Variants in TICAM1 observed in about 807,000 individuals in gnomAD.
TICAM1 encodes TIR domain-containing adapter molecule 1.
For synonymous variants in TICAM1, 439 were observed against 415.4 expected (o/e 1.06, Z -0.69); for missense variants, 895 against 938.2 (o/e 0.95, Z 0.60).
At chr19:4,829,660 T>C (rs2093611082) in intron 1 of TICAM1, among the ~76,000 whole-genome samples, 1 of 152,124 alleles carries the variant, frequency 6.6e-6, no homozygotes, top group Admixed American at 6.6e-5. Flanking sequence ...GAAGCTTTCA[T>C]GCGAAAATAT....
At chr19:4,827,244 G>A (rs992003443) in intron 1 of TICAM1, among the ~76,000 whole-genome samples, 6 of 151,366 alleles carry the variant, frequency 4.0e-5, no homozygotes, top group South Asian at 2.1e-4. Flanking sequence ...CCAGCTATTC[G>A]GGAGGCTGAG....
In TICAM1 at chr19:4,816,405, G is replaced by C. The variant is rs148396522; in HGVS notation, c.1973C>G (p.Pro658Arg). 6.4e-7 allele frequency: 1 copy of C among 1,570,468 alleles called. No individual in the cohort carries two copies. Among genetic ancestry groups the C allele is most frequent in the Admixed American group, 1.9e-5 (1 of 52,444 alleles). The change falls in exon 2 of 2, where the codon CCG (proline) becomes CGG (arginine). Residue 658 changes from proline to arginine, a missense_variant. Pro to Arg is a moderately radical substitution (Grantham distance 103). Transcript: ENST00000248244. This position sits in a 1 kb window ranked among gnomAD's most constrained non-coding sequence, Gnocchi z 4.3. ...PAAFPQSLPF[P>R]QSPAFPTASP... ...GGCCGTAGGGAAGGCTGGGGACTGC[G>C]GGAAGGGCAGTGACTGTGGAAAGGC... is the stretch of plus-strand genomic sequence containing the variant.
In TICAM1 at chr19:4,816,069, C is replaced by A; in HGVS notation, c.*170G>T. On this transcript the variant is annotated 3_prime_UTR_variant, in exon 2 of 2. Transcript: ENST00000248244. The surrounding 1 kb of genome is among the most constrained non-coding windows in gnomAD (Gnocchi z 4.3). Reference sequence around the variant, plus strand: ...ACCACCCTGAAAGCCAGGGCATCATCGCGCCCGTTTTGTCCTAAATGAAGG... The same window carrying A: ...ACCACCCTGAAAGCCAGGGCATCATAGCGCCCGTTTTGTCCTAAATGAAGG... 9.8e-7 allele frequency: 1 copy of A among 1,025,136 alleles called. No individual in the cohort carries two copies. 63.5% of individuals were successfully genotyped at this position (1,025,136 alleles called of 1,614,324 possible).
intron 1 of TICAM1, among the ~76,000 whole-genome samples, chr19:4,820,584 G>A (rs904615229): frequency 2.0e-5 from 3 of 151,700 alleles, no homozygotes; most frequent in Admixed American, 6.6e-5. Flanking sequence ...TAATTTTTTG[G>A]CCGGGCGCGG....
At position 4,816,797 on chromosome 19, in the gene TICAM1, G is replaced by A. The variant is rs772749430; in HGVS notation, c.1581C>T (p.Thr527=). ...GGGCCTGAAGCCTGTGGGGCTTGAA[G>A]GTGTTGGCCACCTTCCTGGCGAAGA... is the stretch of plus-strand genomic sequence containing the variant. ...SQIFARKVAN[T]FKPHRLQARK... is the part of the protein sequence containing the mutation. The change falls in exon 2 of 2, where the codon ACC becomes ACT. Residue 527 remains threonine (T), a synonymous_variant. Coordinates refer to ENST00000248244, the MANE Select transcript of TICAM1 (RefSeq NM_182919.4). This position sits in a 1 kb window ranked among gnomAD's most constrained non-coding sequence, Gnocchi z 4.3. 6.2e-7 allele frequency: 1 copy of A among 1,613,312 alleles called. No homozygotes were observed. The highest frequency in any genetic ancestry group is 8.5e-7 in the Non-Finnish European group (1 of 1,180,034).
At chr19:4,831,453 A>C (rs558537568) in intron 1 of TICAM1, among the ~76,000 whole-genome samples, 161 bp downstream of exon 1, 1 of 151,480 alleles carries the variant, frequency 6.6e-6, no homozygotes, top group East Asian at 1.9e-4. Flanking sequence ...GGGAACGTCA[A>C]CCTCCCAACG....
At chr19:4,826,304 GAT>G (rs72194788) in intron 1 of TICAM1, among the ~76,000 whole-genome samples, 51,067 of 144,588 alleles carry the variant, frequency 0.35, 9,190 homozygotes, top group East Asian at 0.44. Context: ...ATTATTAGGA[GAT>G]ATATATATAT....
At position 4,817,499 on chromosome 19, in the gene TICAM1, AGCTGCG is replaced by A. The variant is rs2093588795; in HGVS notation, c.873_878del (p.Ala292_Ala293del). 1 of 1,613,842 alleles carries A rather than the reference AGCTGCG, an allele frequency of 6.2e-7. No homozygotes were observed. Reference sequence around the variant, plus strand: ...CTGGGTAGTTGGTGCTGGTTTCTGGAGCTGCGGGGGTATCAGGGAGGCCAGTGGAGG... The same window carrying A: ...CTGGGTAGTTGGTGCTGGTTTCTGGAGGGGTATCAGGGAGGCCAGTGGAGG... On this transcript the variant is annotated inframe_deletion, in exon 2 of 2. Coordinates refer to ENST00000248244, the MANE Select transcript of TICAM1 (RefSeq NM_182919.4). The surrounding 1 kb of genome is among the most constrained non-coding windows in gnomAD (Gnocchi z 4.7).
intron 1 of TICAM1, among the ~76,000 whole-genome samples, chr19:4,827,393 AAAAAAAAAAAG>A (rs1568367626): frequency 6.9e-6 from 1 of 144,800 alleles, no homozygotes; most frequent in African/African-American, 2.7e-5. Context: ...AAAAAAAAAA[AAAAAAAAAAAG>A]AAAAAGGCCA....
chr19:4,828,805 C>T (rs1306977958), intron 1 of TICAM1, among the ~76,000 whole-genome samples: 1 of 150,940 alleles, frequency 6.6e-6, no homozygotes, highest in Non-Finnish European at 1.5e-5. Flanking sequence ...TGGGTTCAAG[C>T]AATTCTCCTG....
chr19:4,819,135 G>A (rs1383105348), intron 1 of TICAM1, among the ~76,000 whole-genome samples: 1 of 151,808 alleles, frequency 6.6e-6, no homozygotes, highest in Admixed American at 6.6e-5. Context: ...GTAGCTGGGC[G>A]TGGTGGCACG....
Position 4,817,204 on chromosome 19 carries a change from G to C in TICAM1, c.1174C>G (p.Gln392Glu). 2 of 1,613,978 alleles carry C rather than the reference G, an allele frequency of 1.2e-6. No individual in the cohort carries two copies. The highest frequency in any genetic ancestry group is 1.7e-6 in the Non-Finnish European group (2 of 1,179,998). ...FPSSLESSSE[Q>E]KFYNFVILHA... ...AGGATCACAAAGTTATAGAATTTCT[G>C]TTCCGATGATGATTCCAGGGAGGAA... The change falls in exon 2 of 2, where the codon CAG (glutamine) becomes GAG (glutamate). Residue 392 changes from glutamine to glutamate, a missense_variant. Gln to Glu is a conservative substitution (Grantham distance 29). Transcript: ENST00000248244. The surrounding 1 kb of genome is among the most constrained non-coding windows in gnomAD (Gnocchi z 4.7).
chr19:4,817,757 CA>C lies in TICAM1; in HGVS notation c.620del (p.Leu207TrpfsTer47). 1 of 1,602,266 alleles carries C rather than the reference CA, an allele frequency of 6.2e-7. No homozygotes were observed. The highest frequency in any genetic ancestry group is 8.5e-7 in the Non-Finnish European group (1 of 1,177,320). On this transcript the variant is annotated frameshift_variant, in exon 2 of 2. Coordinates refer to ENST00000248244, the MANE Select transcript of TICAM1 (RefSeq NM_182919.4). LOFTEE classifies it low-confidence loss of function (END_TRUNC). The surrounding 1 kb of genome is among the most constrained non-coding windows in gnomAD (Gnocchi z 4.7). ...GCATGGTAGGGGACTGGCTGATTTC[CA>C]AGTTGCTGGCCAGGGAGGCAGGGCT... is the stretch of plus-strand genomic sequence containing the variant. Reference protein sequence around the residue: ...TGSPASLASNLEISQSPTMPF... With the variant: ...TGSPASLASNXEISQSPTMPF...
rs1426658122 is a variant in TICAM1, at chr19:4,818,351, A to G, written c.27T>C (p.Pro9=). 1 of 1,609,446 alleles carries G rather than the reference A, an allele frequency of 6.2e-7. No homozygotes were observed. The highest frequency in any genetic ancestry group is 8.5e-7 in the Non-Finnish European group (1 of 1,178,174). Reference sequence around the variant, plus strand: ...CTGCACCTAGAATGTCGAAGGCGCTAGGAAGTGATGGGCCTGTGCAGGCCA... The same window carrying G: ...CTGCACCTAGAATGTCGAAGGCGCTGGGAAGTGATGGGCCTGTGCAGGCCA... MACTGPSL[P]SAFDILGAAG... is the part of the protein sequence containing the mutation. The change falls in exon 2 of 2, where the codon CCT becomes CCC. Residue 9 remains proline, a synonymous_variant. Coordinates refer to ENST00000248244, the MANE Select transcript of TICAM1 (RefSeq NM_182919.4). The surrounding 1 kb of genome is among the most constrained non-coding windows in gnomAD (Gnocchi z 4.0).
chr19:4,821,671 T>A (rs868791484), intron 1 of TICAM1, among the ~76,000 whole-genome samples: 52 of 143,566 alleles, frequency 3.6e-4, no homozygotes, highest in African/African-American at 1.3e-3. Flanking sequence ...TGAGACAGAG[T>A]CTCACTCTTG....
chr19:4,817,043 G>A lies in TICAM1; in HGVS notation c.1335C>T (p.Ala445=), dbSNP rs1172735060. 1.2e-6 allele frequency: 2 copies of A among 1,614,120 alleles called. No homozygotes were observed. Among genetic ancestry groups the A allele is most frequent in the African/African-American group, 2.7e-5 (2 of 75,048 alleles). ...GGATGATGAAAGCTGAGTGGTCTATGGCGTCCTGCAGGCAGCTCAGCTCCC... is the reference window on the plus strand; with the variant it reads ...GGATGATGAAAGCTGAGTGGTCTATAGCGTCCTGCAGGCAGCTCAGCTCCC... The part of the protein sequence containing the change: ...GRGELSCLQD[A]IDHSAFIILL... Residue 445 remains alanine (A), a synonymous_variant, in exon 2 of 2, where the codon GCC becomes GCT. Coordinates refer to ENST00000248244, the MANE Select transcript of TICAM1 (RefSeq NM_182919.4). This position sits in a 1 kb window ranked among gnomAD's most constrained non-coding sequence, Gnocchi z 4.7.
In TICAM1 at chr19:4,817,276, AAGGAGGAGGAGG is replaced by A. The variant is rs11466722; in HGVS notation, c.1090_1101del (p.Pro364_Pro367del). 1.2e-6 allele frequency: 2 copies of A among 1,603,044 alleles called. No individual in the cohort carries two copies. The highest frequency in any genetic ancestry group is 1.1e-5 in the South Asian group (1 of 90,622). ...AGGTGAGCTGAACAAGGAGTAGATG[AAGGAGGAGGAGG>A]AGGAGGAGGAGGGGATGTTTCTGGG... On this transcript the variant is annotated inframe_deletion, in exon 2 of 2. Coordinates refer to ENST00000248244, the MANE Select transcript of TICAM1 (RefSeq NM_182919.4). The surrounding 1 kb of genome is among the most constrained non-coding windows in gnomAD (Gnocchi z 4.7).
intron 1 of TICAM1, among the ~76,000 whole-genome samples, chr19:4,831,322 C>G (rs974291846): frequency 2.0e-5 from 3 of 147,404 alleles, no homozygotes; most frequent in African/African-American, 7.6e-5. Flanking sequence ...TCTGGGGTGT[C>G]CGGGAGGAAT....
chr19:4,816,618 A>C lies in TICAM1; in HGVS notation c.1760T>G (p.Leu587Arg), dbSNP rs1404572089. 2 of 1,614,050 alleles carry C rather than the reference A, an allele frequency of 1.2e-6. No homozygotes were observed. The highest frequency in any genetic ancestry group is 1.7e-6 in the Non-Finnish European group (2 of 1,180,034). ...YLSYQAQMEQLQVAFGSHMSF... is the reference protein window; with the variant it reads ...YLSYQAQMEQRQVAFGSHMSF... Reference sequence around the variant, plus strand: ...CATGTGGCTCCCAAAAGCCACCTGGAGCTGCTCCATCTGTGCCTGGTAGGA... The same window carrying C: ...CATGTGGCTCCCAAAAGCCACCTGGCGCTGCTCCATCTGTGCCTGGTAGGA... The change falls in exon 2 of 2, where the codon CTC becomes CGC. Residue 587 changes from leucine (L) to arginine (R), a missense_variant. Coordinates refer to ENST00000248244, the MANE Select transcript of TICAM1 (RefSeq NM_182919.4). This position sits in a 1 kb window ranked among gnomAD's most constrained non-coding sequence, Gnocchi z 4.3.
Sources: allele counts gnomAD v4.1 joint callset (sites outside exome capture counted in the v4.1 genomes callset), GRCh38; gene constraint gnomAD v4.1.1; non-coding constraint Gnocchi (gnomAD v3.1); transcripts MANE v1.5; gene names NCBI Gene and HGNC (gene_info 2026-07-23, HGNC 2026-07-21).